Variants in SLC16A2 observed in about 807,000 individuals in gnomAD.
The protein encoded by SLC16A2 is monocarboxylate transporter 8.
Under a neutral mutation model 27.2 loss-of-function variants are expected in SLC16A2, and 3 were observed. The ratio of observed to expected loss-of-function variants is 0.11; its 90% CI spans 0.05 to 0.28. The LOEUF is 0.28. Among genes scored for constraint, SLC16A2 ranks in the 10% least tolerant of loss-of-function variants. The probability of loss-of-function intolerance (pLI) is 1.00; values close to 1 mark genes in which losing one functional copy is unlikely to be tolerated. For missense variants in SLC16A2, 295 were observed against 458.5 expected, an observed-to-expected ratio of 0.64 and a Z score of 3.26; for synonymous variants, 202 against 187.8, an observed-to-expected ratio of 1.08 and a Z score of -0.62.
At chrX:74,480,679 T>C (rs1455526761) in intron 1 of SLC16A2, among the ~76,000 whole-genome samples, 1 of 112,755 alleles carries the variant, frequency 8.9e-6, no homozygotes, top group African/African-American at 3.2e-5. Flanking sequence ...CATCTACAAA[T>C]AGAGGTAGTT....
chrX:74,469,807 T>C (rs927125236), intron 1 of SLC16A2, among the ~76,000 whole-genome samples: 2 of 111,408 alleles, frequency 1.8e-5, no homozygotes, highest in African/African-American at 6.5e-5. Context: ...TTTATTATAA[T>C]TGATGAACCT....
intron 1 of SLC16A2, among the ~76,000 whole-genome samples, chrX:74,461,173 C>A (rs1929134143): frequency 8.9e-6 from 1 of 112,025 alleles, no homozygotes; most frequent in African/African-American, 3.2e-5. Flanking sequence ...TTTCTCCTGT[C>A]CTCCATTTTG....
At chrX:74,518,515 C>T (rs1265949553) in intron 1 of SLC16A2, among the ~76,000 whole-genome samples, 3 of 108,926 alleles carry the variant, frequency 2.8e-5, no homozygotes, top group Admixed American at 9.8e-5. Flanking sequence ...TGCTTGAACC[C>T]GGGAGGCAGA....
intron 1 of SLC16A2, among the ~76,000 whole-genome samples, chrX:74,504,291 T>A (rs760211802): frequency 8.9e-6 from 1 of 111,764 alleles, no homozygotes; most frequent in Non-Finnish European, 1.9e-5. Flanking sequence ...CTGGCATGAG[T>A]GGCTATTGCC....
chrX:74,460,928 G>A (rs1028547615), intron 1 of SLC16A2, among the ~76,000 whole-genome samples: 1 of 111,895 alleles, frequency 8.9e-6, no homozygotes, highest in Non-Finnish European at 1.9e-5. Flanking sequence ...TAGGATTACA[G>A]GTGTGAGCCA....
intron 1 of SLC16A2, among the ~76,000 whole-genome samples, chrX:74,479,950 C>T (rs961124180): frequency 2.6e-4 from 29 of 112,245 alleles, no homozygotes; most frequent in African/African-American, 9.1e-4. Flanking sequence ...CCTGAGGATG[C>T]AGTCTGTCCA....
intron 1 of SLC16A2, among the ~76,000 whole-genome samples, chrX:74,517,278 T>A (rs770838808): frequency 1.6e-4 from 18 of 110,885 alleles, no homozygotes; most frequent in Non-Finnish European, 2.3e-4. Flanking sequence ...CAATTAAAAA[T>A]TTTTTTTTAA....
intron 1 of SLC16A2, among the ~76,000 whole-genome samples, chrX:74,513,129 A>T (rs1196550267): frequency 8.9e-6 from 1 of 112,086 alleles, no homozygotes; most frequent in African/African-American, 3.2e-5. Flanking sequence ...AAATCCAAGG[A>T]TCTGTTGAAC....
chrX:74,520,974 C>T lies in SLC16A2; in HGVS notation c.431-16C>T. Reference sequence around the variant, plus strand: ...TACACTAAGCTAAAGTGTCTTTGCACTTGTTTTCTCTGCAGCATGGGTCGG... The same window carrying T: ...TACACTAAGCTAAAGTGTCTTTGCATTTGTTTTCTCTGCAGCATGGGTCGG... On this transcript the variant is annotated splice_polypyrimidine_tract_variant and intron_variant, in intron 1 of 5. Coordinates refer to ENST00000587091, the MANE Select transcript of SLC16A2 (RefSeq NM_006517.5). 1 of 1,211,295 alleles carries T rather than the reference C, an allele frequency of 8.3e-7. No individual in the cohort carries two copies. The highest frequency in any genetic ancestry group is 1.1e-6 in the Non-Finnish European group (1 of 895,069).
chrX:74,433,560 T>A (rs1395512956), intron 1 of SLC16A2, among the ~76,000 whole-genome samples: 1 of 110,950 alleles, frequency 9.0e-6, no homozygotes, highest in Non-Finnish European at 1.9e-5. Context: ...ATCTTTATGA[T>A]CATGTGTATT....
At chrX:74,505,788 C>G (rs1247851067) in intron 1 of SLC16A2, among the ~76,000 whole-genome samples, 1 of 111,941 alleles carries the variant, frequency 8.9e-6, no homozygotes, top group Non-Finnish European at 1.9e-5. Flanking sequence ...AGAGTGATAA[C>G]CTGTCCCATT....
Position 74,531,910 on chromosome X carries a change from G to A in SLC16A2, c.*357G>A. The A allele has an allele frequency of 3.5e-6, 1 of 289,433 alleles. No homozygotes were observed. 23.9% of individuals were successfully genotyped at this position (289,433 alleles called of 1,213,427 possible). On this transcript the variant is annotated 3_prime_UTR_variant, in exon 6 of 6. Transcript: ENST00000587091. Reference sequence around the variant, plus strand: ...CCCACTATAATCAACTGCCAAAGGTGCTACTGTGTCCCCAGGAGCCTAATA... The same window carrying A: ...CCCACTATAATCAACTGCCAAAGGTACTACTGTGTCCCCAGGAGCCTAATA...
At chrX:74,432,473 C>T (rs142380436) in intron 1 of SLC16A2, among the ~76,000 whole-genome samples, 1,483 of 111,617 alleles carry the variant, frequency 0.013, 22 homozygotes, top group African/African-American at 0.047. Context: ...AGCTAGTAGG[C>T]AAATCAGAAC....
Position 74,521,739 on chromosome X carries a change from T to A in SLC16A2, c.575+605T>A, listed in dbSNP as rs139506657. On this transcript the variant is annotated intron_variant, in intron 2 of 5. Coordinates refer to ENST00000587091, the MANE Select transcript of SLC16A2 (RefSeq NM_006517.5). ...GCTCAGGCTGCTGACATATGGATGA[T>A]TTGGGACAGATAATGATTTACATCA... is the stretch of plus-strand genomic sequence containing the variant. Among the ~76,000 whole-genome samples, 677 of 112,191 alleles carry A rather than the reference T, an allele frequency of 6.0e-3. 8 individuals carry two copies. The highest frequency in any genetic ancestry group is 0.021 in the African/African-American group (636 of 30,864).
At chrX:74,428,635 T>G (rs982634674) in intron 1 of SLC16A2, among the ~76,000 whole-genome samples, 1 of 110,741 alleles carries the variant, frequency 9.0e-6, no homozygotes, top group Non-Finnish European at 1.9e-5. Context: ...CCCTTTCCCC[T>G]TCCTTTCCTC....
At chrX:74,429,510 G>C (rs1602103322) in intron 1 of SLC16A2, among the ~76,000 whole-genome samples, 1 of 110,478 alleles carries the variant, frequency 9.1e-6, no homozygotes, top group East Asian at 2.8e-4. Flanking sequence ...GGTGGAGGTG[G>C]GGGAGTGAAG....
chrX:74,485,512 C>T (rs991713322), intron 1 of SLC16A2, among the ~76,000 whole-genome samples: 5 of 110,592 alleles, frequency 4.5e-5, no homozygotes, highest in Non-Finnish European at 9.4e-5. Flanking sequence ...GCTCTTAGAG[C>T]TCCCAAGATG....
intron 1 of SLC16A2, among the ~76,000 whole-genome samples, chrX:74,429,278 G>A (rs7877165): frequency 1.1e-3 from 125 of 111,426 alleles, no homozygotes; most frequent in African/African-American, 4.0e-3. Context: ...GGCCAGCCTG[G>A]GCAACATAGG....
chrX:74,432,434 T>C (rs1928550819), intron 1 of SLC16A2, among the ~76,000 whole-genome samples: 1 of 111,636 alleles, frequency 9.0e-6, no homozygotes, highest in Admixed American at 9.5e-5. Flanking sequence ...AGCATTTCAA[T>C]GGCCACTAAG....
Sources: gnomAD v4.1 joint callset for allele counts (sites outside exome capture counted in the v4.1 genomes callset) on GRCh38, gnomAD v4.1.1 for gene constraint, MANE v1.5 for transcripts, NCBI Gene and HGNC (gene_info 2026-07-23, HGNC 2026-07-21) for gene names.